The following FAM117B variants were observed in gnomAD, a reference collection of about 807,000 sequenced individuals.
FAM117B encodes family with sequence similarity 117 member B, also known as protein FAM117B.
FAM117B carries 22 observed loss-of-function variants against 52.8 expected under a neutral mutation model. The observed-to-expected ratio is 0.42, with a 90% confidence interval of 0.30 to 0.59. The LOEUF (loss-of-function observed/expected upper bound fraction) is 0.59, where lower values mean the gene tolerates loss of function less well. Ranked by LOEUF, FAM117B falls within the 20% of genes least tolerant of loss-of-function variation. FAM117B has a pLI of 0.22. For missense variants in FAM117B, 678 were observed against 802.6 expected (o/e 0.84, Z 1.88); for synonymous variants, 309 against 324.1 (o/e 0.95, Z 0.50).
At chr2:202,680,334 G>A (rs1462126919) in intron 1 of FAM117B, among the ~76,000 whole-genome samples, 1 of 152,118 alleles carries the variant, frequency 6.6e-6, no homozygotes, top group East Asian at 1.9e-4. Context: ...ACGAGTTAAT[G>A]GGTGCAGCAC....
chr2:202,754,329 A>G, intron 4 of FAM117B, among the ~76,000 whole-genome samples: 1 of 152,130 alleles, frequency 6.6e-6, no homozygotes, highest in East Asian at 1.9e-4. Flanking sequence ...GAACAATGAG[A>G]ACACATGGGC....
At chr2:202,716,897 C>T (rs1167555649) in intron 2 of FAM117B, among the ~76,000 whole-genome samples, 1 of 152,118 alleles carries the variant, frequency 6.6e-6, no homozygotes, top group Admixed American at 6.5e-5. Context: ...TTAAATTTGT[C>T]TGATAGAATT....
chr2:202,737,755 C>T (rs369032982), intron 4 of FAM117B, among the ~76,000 whole-genome samples: 2 of 152,104 alleles, frequency 1.3e-5, no homozygotes, highest in African/African-American at 4.8e-5. Context: ...GCACACACCA[C>T]CACGCCCAGC....
At chr2:202,647,944 T>C (rs571032665) in intron 1 of FAM117B, among the ~76,000 whole-genome samples, 7 of 152,326 alleles carry the variant, frequency 4.6e-5, no homozygotes, top group African/African-American at 1.7e-4. Flanking sequence ...CATGAGCTAG[T>C]ATAGGCTGCT....
rs201411653 is a variant in FAM117B at position 202,691,661 on chromosome 2, G to GTGTA, written c.602-4217_602-4216insATGT. ...ATACCAGTTTACATTGTGTGTGTGTGTGTGTGTGTGTGTGTGTGTGTGTGT... is the reference window on the plus strand; with the variant it reads ...ATACCAGTTTACATTGTGTGTGTGTGTGTATGTGTGTGTGTGTGTGTGTGTGTGT... On this transcript the variant is annotated intron_variant, in intron 1 of 7. Coordinates refer to ENST00000392238, the MANE Select transcript of FAM117B (RefSeq NM_173511.4). Among the ~76,000 whole-genome samples, 1,031 of 144,578 alleles carry GTGTA rather than the reference G, an allele frequency of 7.1e-3. 5 individuals carry two copies. Among genetic ancestry groups the GTGTA allele is most frequent in the Non-Finnish European group, 0.01 (664 of 65,754 alleles). 94.8% of individuals were successfully genotyped at this position (144,578 alleles called of 152,430 possible).
intron 4 of FAM117B, among the ~76,000 whole-genome samples, chr2:202,755,188 C>T (rs1374911862): frequency 1.3e-5 from 2 of 152,136 alleles, no homozygotes; most frequent in Non-Finnish European, 1.5e-5. Flanking sequence ...CAAACTGTAT[C>T]ATTGTGGCAC....
chr2:202,698,838 T>G (rs1458889828), intron 2 of FAM117B, among the ~76,000 whole-genome samples: 2 of 152,238 alleles, frequency 1.3e-5, no homozygotes, highest in Non-Finnish European at 2.9e-5. Flanking sequence ...TCCACTTGCT[T>G]TCTGCTTAAT....
At chr2:202,682,085 G>A (rs754759085) in intron 1 of FAM117B, among the ~76,000 whole-genome samples, 68 of 152,214 alleles carry the variant, frequency 4.5e-4, no homozygotes, top group Non-Finnish European at 7.1e-4. Context: ...CTGGACTCCA[G>A]GGGAAGAATA....
intron 4 of FAM117B, among the ~76,000 whole-genome samples, chr2:202,727,978 A>G (rs1691277244): frequency 6.6e-6 from 1 of 151,774 alleles, no homozygotes; most frequent in Non-Finnish European, 1.5e-5. Flanking sequence ...GTTTATAGAG[A>G]TTGTTTTTTG....
chr2:202,682,297 G>A lies in FAM117B; in HGVS notation c.602-13584G>A, dbSNP rs1055330782. Among the ~76,000 whole-genome samples, 15 of 152,290 alleles carry A rather than the reference G, an allele frequency of 9.8e-5. No individual in the cohort carries two copies. The South Asian group carries it at 1.9e-3, about 19-fold the overall frequency. The stretch of plus-strand genomic sequence containing the variant: ...CCACTGAGCTGTTAACTCTTAAGCC[G>A]TCTGCGGATGGCAAAGTTAAAAGGG... On this transcript the variant is annotated intron_variant, in intron 1 of 7. Transcript: ENST00000392238.
intron 2 of FAM117B, among the ~76,000 whole-genome samples, chr2:202,705,629 G>T (rs1690859950): frequency 6.6e-6 from 1 of 152,172 alleles, no homozygotes. Flanking sequence ...TTTGTACAGA[G>T]CTACAATGTC....
chr2:202,683,811 A>G (rs1473738702), intron 1 of FAM117B, among the ~76,000 whole-genome samples: 2 of 152,228 alleles, frequency 1.3e-5, no homozygotes, highest in East Asian at 3.8e-4. Context: ...ATGAGGTAGT[A>G]TTATTCCAAT....
At chr2:202,677,317 C>G (rs1234357673) in intron 1 of FAM117B, among the ~76,000 whole-genome samples, 1 of 152,118 alleles carries the variant, frequency 6.6e-6, no homozygotes, top group Admixed American at 6.5e-5. Context: ...CCGCCCGCCT[C>G]GGCCTCCCAA....
chr2:202,766,109 C>CACA lies in FAM117B; in HGVS notation c.*345_*346insACA. Reference sequence around the variant, plus strand: ...ACACACACACACACACACACACACCCCTGATCCTTGCCAACATGATTCCTA... The same window carrying CACA: ...ACACACACACACACACACACACACCCACACTGATCCTTGCCAACATGATTCCTA... On this transcript the variant is annotated 3_prime_UTR_variant, in exon 8 of 8. Coordinates refer to ENST00000392238, the MANE Select transcript of FAM117B (RefSeq NM_173511.4). 2 of 198,872 alleles carry CACA rather than the reference C, an allele frequency of 1.0e-5. No individual in the cohort carries two copies. The highest frequency in any genetic ancestry group is 2.0e-5 in the Non-Finnish European group (2 of 100,004). The allele number at this position is 198,872 out of a possible 1,614,324, so 12.3% of individuals were successfully genotyped here.
intron 7 of FAM117B, among the ~76,000 whole-genome samples, 184 bp downstream of exon 7, chr2:202,759,537 G>A (rs1240969953): frequency 3.3e-5 from 5 of 149,340 alleles, no homozygotes; most frequent in African/African-American, 1.2e-4. Context: ...GAATACAGAT[G>A]CACACCACTA....
At chr2:202,723,663 C>T (rs1005329360) in intron 2 of FAM117B, among the ~76,000 whole-genome samples, 2 of 152,134 alleles carry the variant, frequency 1.3e-5, no homozygotes, top group African/African-American at 4.8e-5. Context: ...TTAGCCAAAC[C>T]TAAATAAATC....
chr2:202,654,843 G>A (rs1003590675), intron 1 of FAM117B, among the ~76,000 whole-genome samples: 1 of 151,954 alleles, frequency 6.6e-6, no homozygotes, highest in Admixed American at 6.6e-5. Context: ...TAAACTTCTA[G>A]TGGGCATTTA....
intron 1 of FAM117B, among the ~76,000 whole-genome samples, chr2:202,678,649 T>C (rs1690414549): frequency 6.6e-6 from 1 of 152,208 alleles, no homozygotes. Context: ...AACCTTTGCC[T>C]CTCGGCTTCA....
At chr2:202,710,818 C>T (rs1191114756) in intron 2 of FAM117B, among the ~76,000 whole-genome samples, 1 of 152,150 alleles carries the variant, frequency 6.6e-6, no homozygotes, top group East Asian at 1.9e-4. Context: ...CAAAGTTTGT[C>T]TTTCTCTGAC....
Sources: allele counts gnomAD v4.1 joint callset (sites outside exome capture counted in the v4.1 genomes callset), GRCh38; gene constraint gnomAD v4.1.1; transcripts MANE v1.5; gene names NCBI Gene and HGNC (gene_info 2026-07-23, HGNC 2026-07-21).